HDAC9: variants seen among roughly 807,000 people sequenced by gnomAD.
The protein encoded by HDAC9 is MEF-2 interacting transcription repressor (MITR) protein.
HDAC9 carries 41 observed loss-of-function variants against 139.4 expected under a neutral mutation model. The observed-to-expected ratio is 0.29, with a 90% CI of 0.23 to 0.38. The LOEUF is 0.38. Ranked by LOEUF, HDAC9 falls within the 10% of genes least tolerant of loss-of-function variation. The pLI, the probability that HDAC9 is intolerant of heterozygous loss-of-function variation, is 1.00. For synonymous variants in HDAC9, 517 were observed against 476.2 expected (o/e 1.09, Z -1.12); for missense variants, 1,147 against 1,297.0 (o/e 0.88, Z 1.78).
chr7:18,562,719 A>G (rs562734898), intron 2 of HDAC9, among the ~76,000 whole-genome samples: 5 of 152,136 alleles, frequency 3.3e-5, no homozygotes, highest in South Asian at 4.1e-4. Flanking sequence ...TTCTAAGGTT[A>G]TTTTAGCTAT....
chr7:18,791,481 T>A (rs1195908847), intron 16 of HDAC9, among the ~76,000 whole-genome samples: 1 of 152,180 alleles, frequency 6.6e-6, no homozygotes, highest in Admixed American at 6.5e-5. Context: ...TACACAAAGC[T>A]TAAACAACTA....
At chr7:18,935,721 T>A (rs926016366) in intron 22 of HDAC9, 88 bp from the exon 23 acceptor site, 1 of 1,222,946 alleles carries the variant, frequency 8.2e-7, no homozygotes, top group Admixed American at 1.8e-5. Context: ...TAGTAATGAC[T>A]TACTCAAAAT....
Position 18,764,450 on chromosome 7 carries a change from G to A in HDAC9, c.2164+2173G>A, listed in dbSNP as rs111942293. ...TCAGGCCTTAAGGTCGAGCACTAAA[G>A]TCAACTGTATCAACACTTCAAAACT... On this transcript the variant is annotated intron_variant, in intron 15 of 25. Coordinates refer to ENST00000686413, the MANE Select transcript of HDAC9 (RefSeq NM_178425.4). Among the ~76,000 whole-genome samples, 945 of 152,178 alleles carry A rather than the reference G, an allele frequency of 6.2e-3. 11 individuals are homozygous for A. Among genetic ancestry groups the A allele is most frequent in the Non-Finnish European group, 8.4e-3 (572 of 67,986 alleles).
intron 24 of HDAC9, among the ~76,000 whole-genome samples, chr7:18,958,736 G>A (rs145179068): frequency 5.3e-5 from 8 of 152,178 alleles, no homozygotes; most frequent in Middle Eastern, 3.4e-3. Flanking sequence ...CTAAGCCTGC[G>A]TTGATTTTTG....
chr7:18,179,738 C>T (rs1049040441), intron 2 of HDAC9, among the ~76,000 whole-genome samples: 1 of 152,192 alleles, frequency 6.6e-6, no homozygotes, highest in Non-Finnish European at 1.5e-5. Flanking sequence ...GCTCTGGAAA[C>T]ACCTGTCATC....
chr7:18,218,126 A>G (rs1164221620), intron 2 of HDAC9, among the ~76,000 whole-genome samples: 1 of 152,146 alleles, frequency 6.6e-6, no homozygotes, highest in African/African-American at 2.4e-5. Flanking sequence ...GGAAGCTACA[A>G]TGTCTTTTAT....
chr7:18,535,464 A>G (rs1810552910), intron 2 of HDAC9, among the ~76,000 whole-genome samples: 1 of 151,946 alleles, frequency 6.6e-6, no homozygotes, highest in African/African-American at 2.4e-5. Flanking sequence ...ATATATTTAC[A>G]TCTATAATTT....
At chr7:18,343,910 A>G (rs1010797742) in intron 1 of HDAC9, among the ~76,000 whole-genome samples, 8 of 151,950 alleles carry the variant, frequency 5.3e-5, no homozygotes, top group African/African-American at 1.7e-4. Context: ...AAAGTAATAC[A>G]TAGCCTAGTC....
intron 1 of HDAC9, among the ~76,000 whole-genome samples, chr7:18,387,560 A>C (rs974867956): frequency 6.6e-6 from 1 of 152,218 alleles, no homozygotes; most frequent in Non-Finnish European, 1.5e-5. Context: ...ACTCATAGAA[A>C]ATGAGGAAGG....
chr7:18,247,626 C>T (rs769853475), intron 2 of HDAC9, among the ~76,000 whole-genome samples: 39 of 152,152 alleles, frequency 2.6e-4, no homozygotes, highest in Non-Finnish European at 4.6e-4. Flanking sequence ...CCCCCTTCTT[C>T]GGTGCCTCAC....
At chr7:18,741,651 C>G (rs898821524) in intron 13 of HDAC9, among the ~76,000 whole-genome samples, 2 of 152,178 alleles carry the variant, frequency 1.3e-5, no homozygotes, top group African/African-American at 4.8e-5. Flanking sequence ...ATTTTTACAT[C>G]TTATTATTTA....
intron 2 of HDAC9, among the ~76,000 whole-genome samples, chr7:18,530,218 A>AT (rs1371364611): frequency 2.0e-5 from 3 of 152,126 alleles, no homozygotes; most frequent in African/African-American, 7.2e-5. Flanking sequence ...AACCATGATC[A>AT]TGCCACTCCT....
chr7:18,580,619 C>T (rs1827511504), intron 2 of HDAC9, among the ~76,000 whole-genome samples: 1 of 152,108 alleles, frequency 6.6e-6, no homozygotes, highest in Non-Finnish European at 1.5e-5. Context: ...AATGTGAATA[C>T]TAATATTTGC....
In HDAC9 at chr7:18,838,733, G is replaced by T. The variant is rs1191405575; in HGVS notation, c.2684+2736G>T. ...GCATCTGTGTGTGGGTGCAGGAAAT[G>T]GAGGTGGGGGAAAGAGTAAATGGTG... is the stretch of plus-strand genomic sequence containing the variant. On this transcript the variant is annotated intron_variant, in intron 21 of 25. Transcript: ENST00000686413. Among the ~76,000 whole-genome samples, 4 of 152,094 alleles carry T rather than the reference G, an allele frequency of 2.6e-5. No individual in the cohort carries two copies. In the East Asian group the frequency reaches 5.8e-4, roughly 22 times the overall value.
rs373035825 is a variant in HDAC9 at position 18,838,741 on chromosome 7, G to A, written c.2684+2744G>A. Among the ~76,000 whole-genome samples the A allele has an allele frequency of 3.9e-5, 6 of 151,980 alleles. No individual in the cohort carries two copies. The East Asian group carries it at 1.2e-3, about 29-fold the overall frequency. The stretch of plus-strand genomic sequence containing the variant: ...GTGTGGGTGCAGGAAATGGAGGTGG[G>A]GGAAAGAGTAAATGGTGCCTTTTCT... On this transcript the variant is annotated intron_variant, in intron 21 of 25. Transcript: ENST00000686413.
At chr7:18,548,218 C>T (rs1243911686) in intron 2 of HDAC9, among the ~76,000 whole-genome samples, 1 of 152,084 alleles carries the variant, frequency 6.6e-6, no homozygotes, top group Non-Finnish European at 1.5e-5. Flanking sequence ...ACAACATTTA[C>T]AGATTAAGTT....
intron 25 of HDAC9, among the ~76,000 whole-genome samples, chr7:18,991,885 T>C (rs867116287): frequency 3.6e-4 from 55 of 152,352 alleles, no homozygotes; most frequent in African/African-American, 1.3e-3. Flanking sequence ...GTGAGTTCTA[T>C]GAGAGCAGGG....
chr7:18,340,539 T>C (rs1376179104), intron 1 of HDAC9, among the ~76,000 whole-genome samples: 4 of 151,584 alleles, frequency 2.6e-5, no homozygotes, highest in Non-Finnish European at 5.9e-5. Context: ...AGTTTTGTTA[T>C]TTTAGTTGTT....
At chr7:18,361,305 A>T (rs987883915) in intron 1 of HDAC9, among the ~76,000 whole-genome samples, 1 of 152,190 alleles carries the variant, frequency 6.6e-6, no homozygotes, top group Non-Finnish European at 1.5e-5. Context: ...CAAACAATAC[A>T]TAAGTAAGTG....
Sources: allele counts gnomAD v4.1 joint callset (sites outside exome capture counted in the v4.1 genomes callset), GRCh38; gene constraint gnomAD v4.1.1; transcripts MANE v1.5; gene names NCBI Gene and HGNC (gene_info 2026-07-23, HGNC 2026-07-21).